Variants in KLHL6 observed in about 807,000 individuals in gnomAD.
The protein encoded by KLHL6 is kelch like family member 6, also known as kelch-like protein 6.
In KLHL6, 41 loss-of-function variants were observed where a neutral mutation model predicts 58.6. The ratio of observed to expected loss-of-function variants is 0.70; its 90% confidence interval spans 0.55 to 0.91. The LOEUF (loss-of-function observed/expected upper bound fraction) is 0.91. Among genes scored for constraint, KLHL6 ranks in the 40% least tolerant of loss-of-function variants. The pLI is 0.00. For synonymous variants in KLHL6, 338 were observed against 322.7 expected, an observed-to-expected ratio of 1.05 and a Z score of -0.51; for missense variants, 714 against 805.6, an observed-to-expected ratio of 0.89 and a Z score of 1.38.
intron 4 of KLHL6, among the ~76,000 whole-genome samples, chr3:183,496,685 T>C (rs1214433140): frequency 6.6e-6 from 1 of 152,252 alleles, no homozygotes; most frequent in Non-Finnish European, 1.5e-5. Flanking sequence ...GTAATAACTA[T>C]ATCACTTGAT....
chr3:183,509,724 C>G (rs1718124071), intron 2 of KLHL6, among the ~76,000 whole-genome samples: 1 of 152,126 alleles, frequency 6.6e-6, no homozygotes. Flanking sequence ...AGAGGGGGCG[C>G]ATGCTATATC....
intron 3 of KLHL6, among the ~76,000 whole-genome samples, chr3:183,501,630 C>T (rs1397795967): frequency 1.3e-5 from 2 of 152,198 alleles, no homozygotes; most frequent in Non-Finnish European, 2.9e-5. Context: ...AGGGCTGGCA[C>T]CTCGTTCCTT....
rs1421365201 is a variant in KLHL6, at chr3:183,555,416, T to C, written c.238A>G (p.Ile80Val). 1.9e-6 allele frequency: 3 copies of C among 1,614,164 alleles called. No homozygotes were observed. The highest frequency in any genetic ancestry group is 2.5e-6 in the Non-Finnish European group (3 of 1,180,024). The change falls in exon 1 of 7, where the codon ATT becomes GTT. Residue 80 changes from isoleucine (I) to valine (V), a missense_variant. By Grantham distance (29) the Ile-to-Val change is conservative (BLOSUM62 3). Coordinates refer to ENST00000341319, the MANE Select transcript of KLHL6 (RefSeq NM_130446.4). ...ALTDVILCVD[I>V]QEFSCHRVVL... The stretch of plus-strand genomic sequence containing the variant: ...ACGCGGTGGCAGGAGAATTCCTGAA[T>C]GTCCACACACAAGATGACATCTGTC...
intron 2 of KLHL6, among the ~76,000 whole-genome samples, chr3:183,523,526 T>C (rs1322354524): frequency 6.6e-6 from 1 of 152,164 alleles, no homozygotes; most frequent in Non-Finnish European, 1.5e-5. Context: ...CCTGGTTTTC[T>C]TCTCCTAAGT....
chr3:183,498,294 AT>A (rs1251402567), intron 4 of KLHL6, among the ~76,000 whole-genome samples: 1 of 152,206 alleles, frequency 6.6e-6, no homozygotes, highest in Non-Finnish European at 1.5e-5. Flanking sequence ...CTAGAACCTA[AT>A]CAATGGTATA....
chr3:183,496,952 A>G (rs1037570815), intron 4 of KLHL6, among the ~76,000 whole-genome samples: 1 of 152,186 alleles, frequency 6.6e-6, no homozygotes, highest in South Asian at 2.1e-4. Context: ...AGCCTGGCCA[A>G]CATGGTGAAA....
intron 2 of KLHL6, among the ~76,000 whole-genome samples, chr3:183,526,090 C>T (rs1449436257): frequency 6.6e-6 from 1 of 151,970 alleles, no homozygotes; most frequent in Non-Finnish European, 1.5e-5. Context: ...GGCGGATCAC[C>T]TGAGGTCGGG....
chr3:183,546,607 T>C (rs1172145454), intron 1 of KLHL6, among the ~76,000 whole-genome samples: 1 of 152,228 alleles, frequency 6.6e-6, no homozygotes, highest in African/African-American at 2.4e-5. Context: ...TCTTTGGGGA[T>C]TTTATGAGTT....
chr3:183,529,556 G>C (rs994734002), intron 1 of KLHL6, among the ~76,000 whole-genome samples: 1 of 152,112 alleles, frequency 6.6e-6, no homozygotes, highest in Non-Finnish European at 1.5e-5. Flanking sequence ...GTAGGTGGGG[G>C]ACCGGGGGTG....
At chr3:183,544,803 C>T (rs1291075276) in intron 1 of KLHL6, 2 of 152,786 alleles carry the variant, frequency 1.3e-5, no homozygotes, top group Non-Finnish European at 2.9e-5. Flanking sequence ...CACACACGCA[C>T]AGCTCTTTAG....
In KLHL6 at chr3:183,555,494, G is replaced by C; in HGVS notation, c.160C>G (p.Leu54Val). The C allele has an allele frequency of 6.2e-7, 1 of 1,614,156 alleles. No homozygotes were observed. The highest frequency in any genetic ancestry group is 8.5e-7 in the Non-Finnish European group (1 of 1,180,022). ...AGGCCATTCTGAAGAATTAAGGAGA[G>C]TCCCGCGTCGTCAAATTTGACCTTT... Reference protein sequence around the residue: ...GEKVKFDDAGLSLILQNGLET... With the variant: ...GEKVKFDDAGVSLILQNGLET... The change falls in exon 1 of 7, where the codon CTC (leucine) becomes GTC (valine). Residue 54 changes from leucine to valine, a missense_variant. Physicochemically the swap from Leu to Val is conservative, Grantham distance 32 (BLOSUM62 1). This residue lies in a region of KLHL6 where 204 missense variants were observed against 175.9 expected (regional missense o/e 1.16). Transcript: ENST00000341319.
intron 1 of KLHL6, among the ~76,000 whole-genome samples, chr3:183,555,090 A>G (rs1423099514): frequency 2.6e-5 from 4 of 152,136 alleles, no homozygotes; most frequent in African/African-American, 9.7e-5. Flanking sequence ...GCTTGAACCC[A>G]GGAGGCAGAG....
intron 1 of KLHL6, chr3:183,551,974 C>T (rs116365999): frequency 6.6e-6 from 1 of 152,072 alleles, no homozygotes; most frequent in Non-Finnish European, 1.5e-5. Context: ...CTTAAACATA[C>T]GAAGAGATGT....
chr3:183,505,307 A>G (rs970050538), intron 3 of KLHL6, among the ~76,000 whole-genome samples: 1 of 152,258 alleles, frequency 6.6e-6, no homozygotes, highest in African/African-American at 2.4e-5. Context: ...ACCTGGTGCC[A>G]TATCTGGCAA....
intron 3 of KLHL6, among the ~76,000 whole-genome samples, chr3:183,501,228 A>G (rs927036600): frequency 6.6e-6 from 1 of 152,198 alleles, no homozygotes; most frequent in Admixed American, 6.5e-5. Flanking sequence ...TGGAGGCACC[A>G]TGAGAGCACC....
In KLHL6 at chr3:183,499,527, G is replaced by T; in HGVS notation, c.1147+63C>A. On this transcript the variant is annotated intron_variant, in intron 4 of 6. Coordinates refer to ENST00000341319, the MANE Select transcript of KLHL6 (RefSeq NM_130446.4). This position sits in a 1 kb window ranked among gnomAD's most constrained non-coding sequence, Gnocchi z 4.6. ...ATTCTTCTAGGATGGTTGCCTGGCT[G>T]CCACTCAGGAATATATGTAGTGCTA... The T allele has an allele frequency of 1.8e-6, 2 of 1,116,968 alleles. No homozygotes were observed. Among genetic ancestry groups the T allele is most frequent in the Non-Finnish European group, 2.6e-6 (2 of 774,068 alleles). 69.2% of individuals were successfully genotyped at this position (1,116,968 alleles called of 1,614,324 possible).
intron 2 of KLHL6, among the ~76,000 whole-genome samples, chr3:183,512,421 C>A (rs958734155): frequency 1.3e-5 from 2 of 151,932 alleles, no homozygotes; most frequent in African/African-American, 4.8e-5. Context: ...GAATCCTTAT[C>A]TTTTAGACAT....
chr3:183,536,819 A>G (rs550160753), intron 1 of KLHL6, among the ~76,000 whole-genome samples: 4 of 152,322 alleles, frequency 2.6e-5, no homozygotes, highest in African/African-American at 9.6e-5. Flanking sequence ...GGTGCGTATC[A>G]GGTAACTGCG....
intron 1 of KLHL6, among the ~76,000 whole-genome samples, chr3:183,542,388 C>T (rs1170685076): frequency 3.3e-5 from 5 of 152,174 alleles, no homozygotes; most frequent in African/African-American, 1.2e-4. Context: ...TTGGCCTGTG[C>T]ATGTCCTTTA....
Sources: allele counts gnomAD v4.1 joint callset (sites outside exome capture counted in the v4.1 genomes callset), GRCh38; gene constraint gnomAD v4.1.1; regional missense constraint gnomAD v4.1.1; non-coding constraint Gnocchi (gnomAD v3.1); transcripts MANE v1.5; gene names NCBI Gene and HGNC (gene_info 2026-07-23, HGNC 2026-07-21).